Variants in LARGE1 observed in about 807,000 individuals in gnomAD.
LARGE1 encodes the protein LARGE xylosyl- and glucuronyltransferase 1.
In LARGE1, 43 loss-of-function variants were observed where a neutral mutation model predicts 87.6. The ratio of observed to expected loss-of-function variants is 0.49; its 90% CI spans 0.38 to 0.63. The LOEUF (loss-of-function observed/expected upper bound fraction) is 0.63. Among genes scored for constraint, LARGE1 ranks in the 30% least tolerant of loss-of-function variants. LARGE1 has a pLI of 0.00. For synonymous variants in LARGE1, 434 were observed against 394.6 expected, an observed-to-expected ratio of 1.10 and a Z score of -1.18; for missense variants, 802 against 1,000.2, an observed-to-expected ratio of 0.80 and a Z score of 2.67.
intron 6 of LARGE1, among the ~76,000 whole-genome samples, chr22:33,548,959 C>T (rs980083242): frequency 1.3e-5 from 2 of 152,248 alleles, no homozygotes; most frequent in Non-Finnish European, 2.9e-5. Flanking sequence ...CCCTAAAATT[C>T]ATCAGGAGGC....
chr22:33,597,753 C>T (rs1029712856), intron 5 of LARGE1, among the ~76,000 whole-genome samples: 11 of 152,144 alleles, frequency 7.2e-5, no homozygotes, highest in South Asian at 4.2e-4. Flanking sequence ...TTCCTGAGCT[C>T]GGGATCACGC....
At chr22:33,591,678 T>G (rs1020496740) in intron 5 of LARGE1, among the ~76,000 whole-genome samples, 22 of 151,886 alleles carry the variant, frequency 1.4e-4, no homozygotes, top group African/African-American at 5.1e-4. Context: ...TTATCAATTT[T>G]TTTCTTATTT....
At chr22:33,671,970 T>C (rs1452804059) in intron 2 of LARGE1, among the ~76,000 whole-genome samples, 1 of 152,182 alleles carries the variant, frequency 6.6e-6, no homozygotes, top group Non-Finnish European at 1.5e-5. Flanking sequence ...ACCTTTCAAA[T>C]GTTATGTTTA....
At chr22:33,360,518 G>C (rs1383805571) in intron 9 of LARGE1, among the ~76,000 whole-genome samples, 1 of 148,988 alleles carries the variant, frequency 6.7e-6, no homozygotes, top group Non-Finnish European at 1.5e-5. Flanking sequence ...GGGAGGAGAT[G>C]CTATACACTT....
At chr22:33,088,612 T>C in the LARGE1 span, among the ~76,000 whole-genome samples, 1 of 152,016 alleles carries the variant, frequency 6.6e-6, no homozygotes, top group Non-Finnish European at 1.5e-5. Context: ...GTAGGCTCAG[T>C]CAGTACCAGA....
chr22:33,532,514 C>A (rs2076931368), intron 6 of LARGE1, among the ~76,000 whole-genome samples: 1 of 152,158 alleles, frequency 6.6e-6, no homozygotes, highest in Admixed American at 6.5e-5. Flanking sequence ...CTCAAATGAT[C>A]CAGACACCAA....
chr22:33,906,772 CAG>C lies in LARGE1; in HGVS notation c.-83+13221_-83+13222del, dbSNP rs370588310. 6.0e-4 allele frequency among the ~76,000 whole-genome samples: 92 copies of C among 152,160 alleles called. 2 individuals carry two copies. In the South Asian group the frequency reaches 7.9e-3, roughly 13 times the overall value. On this transcript the variant is annotated intron_variant, in intron 1 of 14. Coordinates refer to ENST00000397394, the MANE Select transcript of LARGE1 (RefSeq NM_133642.5). ...CTGCAAATTTTCTGAGATCTCTGGACAGGGCTAAGAAGAGAAAGACTGGCCTC... is the reference window on the plus strand; with the variant it reads ...CTGCAAATTTTCTGAGATCTCTGGACGGCTAAGAAGAGAAAGACTGGCCTC...
intron 1 of LARGE1, among the ~76,000 whole-genome samples, chr22:33,824,267 C>A (rs1050570421): frequency 1.6e-4 from 24 of 152,182 alleles, no homozygotes; most frequent in African/African-American, 5.3e-4. Flanking sequence ...GTTTAACTGA[C>A]TCTCAGTTCT....
chr22:33,534,751 C>A (rs769512700), intron 6 of LARGE1, among the ~76,000 whole-genome samples: 1 of 152,136 alleles, frequency 6.6e-6, no homozygotes, highest in Non-Finnish European at 1.5e-5. Flanking sequence ...ACAACACAAC[C>A]AGGTGAGGTT....
chr22:33,611,930 G>A (rs2079441390), intron 4 of LARGE1, among the ~76,000 whole-genome samples: 1 of 152,222 alleles, frequency 6.6e-6, no homozygotes, highest in South Asian at 2.1e-4. Flanking sequence ...CCTCTCTCTT[G>A]CTCCTACTTT....
intron 1 of LARGE1, among the ~76,000 whole-genome samples, chr22:33,843,313 TG>T (rs1204176240): frequency 6.6e-6 from 1 of 151,940 alleles, no homozygotes; most frequent in African/African-American, 2.4e-5. Context: ...GGCTCATGCC[TG>T]TAATCCCAGC....
intron 2 of LARGE1, among the ~76,000 whole-genome samples, chr22:33,671,494 T>A (rs773502507): frequency 1.3e-5 from 2 of 152,206 alleles, no homozygotes; most frequent in Admixed American, 6.5e-5. Context: ...CAAAGTTGAG[T>A]CCTGCCTCAA....
chr22:33,468,957 T>C (rs144123749), intron 6 of LARGE1, among the ~76,000 whole-genome samples: 449 of 152,302 alleles, frequency 2.9e-3, no homozygotes, highest in Middle Eastern at 6.8e-3. Context: ...ACACTCACCA[T>C]ACCTCGGGAG....
chr22:33,316,623 G>A (rs554543094), intron 10 of LARGE1, among the ~76,000 whole-genome samples: 1 of 152,206 alleles, frequency 6.6e-6, no homozygotes, highest in African/African-American at 2.4e-5. Context: ...TGGCTGTAGT[G>A]CTACTCAGGA....
At chr22:33,139,220 G>T in the LARGE1 span, among the ~76,000 whole-genome samples, 11 of 152,232 alleles carry the variant, frequency 7.2e-5, no homozygotes, top group African/African-American at 2.4e-4. Context: ...ACTAATACAG[G>T]TGGTATCTCA....
intron 11 of LARGE1, among the ~76,000 whole-genome samples, chr22:33,221,091 G>C (rs1925433406): frequency 6.6e-6 from 1 of 151,958 alleles, no homozygotes; most frequent in Non-Finnish European, 1.5e-5. Context: ...GGCAAAAGCA[G>C]ACATCCTCCT....
intron 10 of LARGE1, among the ~76,000 whole-genome samples, chr22:33,329,430 T>TG (rs1937510199): frequency 6.6e-6 from 1 of 152,046 alleles, no homozygotes; most frequent in African/African-American, 2.4e-5. Context: ...TGTGGGTTTT[T>TG]TTTTTGTGGG....
At chr22:33,552,151 A>T (rs2077542516) in intron 6 of LARGE1, among the ~76,000 whole-genome samples, 1 of 152,230 alleles carries the variant, frequency 6.6e-6, no homozygotes, top group African/African-American at 2.4e-5. Flanking sequence ...TAACTTGTGC[A>T]TATGGTAACA....
chr22:33,277,747 GC>G (rs1249412506), intron 13 of LARGE1, among the ~76,000 whole-genome samples: 3 of 152,290 alleles, frequency 2.0e-5, no homozygotes, highest in African/African-American at 7.2e-5. Context: ...ATTATGTTAA[GC>G]CATCCAGTTT....
Sources: allele counts gnomAD v4.1 joint callset (sites outside exome capture counted in the v4.1 genomes callset), GRCh38; gene constraint gnomAD v4.1.1; transcripts MANE v1.5; gene names NCBI Gene and HGNC (gene_info 2026-07-23, HGNC 2026-07-21).